The following MSRB3 variants were observed in gnomAD, a reference collection of about 807,000 sequenced individuals.
The protein encoded by MSRB3 is methionine-R-sulfoxide reductase B3.
Under a neutral mutation model 21.0 loss-of-function variants are expected in MSRB3, and 13 were observed. The observed-to-expected ratio is 0.62, with a 90% CI of 0.40 to 0.98. The LOEUF (loss-of-function observed/expected upper bound fraction) is 0.98. MSRB3 is among the 50% of genes least tolerant of loss of function. The pLI, the probability that MSRB3 is intolerant of heterozygous loss-of-function variation, is 0.00. For synonymous variants in MSRB3, 87 were observed against 88.6 expected (o/e 0.98, Z 0.10); for missense variants, 199 against 230.3 (o/e 0.86, Z 0.88).
At chr12:65,364,713 G>A (rs776713588) in intron 4 of MSRB3, among the ~76,000 whole-genome samples, 11 of 152,000 alleles carry the variant, frequency 7.2e-5, no homozygotes, top group Non-Finnish European at 1.3e-4. Context: ...TTTAAGAGTC[G>A]AGGTGATCAT....
chr12:65,420,326 T>G (rs1367813322), intron 5 of MSRB3, among the ~76,000 whole-genome samples: 2 of 144,310 alleles, frequency 1.4e-5, no homozygotes, highest in Non-Finnish European at 3.1e-5. Context: ...GGTAATGTGA[T>G]GCCTTCAGCT....
rs768179073 is a variant in MSRB3 at position 65,453,840 on chromosome 12, T to C, written c.390+15T>C. 6.2e-6 allele frequency: 10 copies of C among 1,602,936 alleles called. No homozygotes were observed. The South Asian group carries it at 1.1e-4, about 18-fold the overall frequency. On this transcript the variant is annotated intron_variant, in intron 6 of 6. Transcript: ENST00000308259. ...GCTGCTCTCAGGTGAGTTCATCCTT[T>C]CTGAAAACCCAATACATTGCTTTCA...
At chr12:65,440,512 T>C (rs1882324394) in intron 5 of MSRB3, among the ~76,000 whole-genome samples, 1 of 151,830 alleles carries the variant, frequency 6.6e-6, no homozygotes, top group Non-Finnish European at 1.5e-5. Context: ...TAACAATGCA[T>C]AAGAATTTAA....
chr12:65,341,246 T>C (rs1388799824), intron 4 of MSRB3, among the ~76,000 whole-genome samples: 1 of 152,092 alleles, frequency 6.6e-6, no homozygotes, highest in Non-Finnish European at 1.5e-5. Flanking sequence ...GATTCAGTTA[T>C]TTGCAACAAC....
At chr12:65,332,302 T>C (rs1016939867) in intron 4 of MSRB3, among the ~76,000 whole-genome samples, 1 of 152,046 alleles carries the variant, frequency 6.6e-6, no homozygotes. Context: ...GGTGTGTGTG[T>C]GTGTGTGTGT....
At chr12:65,459,471 C>T (rs1016691503) in intron 6 of MSRB3, among the ~76,000 whole-genome samples, 2 of 152,126 alleles carry the variant, frequency 1.3e-5, no homozygotes, top group Non-Finnish European at 2.9e-5. Context: ...CTGGTGACTT[C>T]ACAGTCATTT....
At chr12:65,418,672 A>G in intron 5 of MSRB3, 1 of 666,494 alleles carries the variant, frequency 1.5e-6, no homozygotes, top group Non-Finnish European at 2.6e-6. Context: ...TTAACCTCTG[A>G]ACTTTTTATT....
intron 5 of MSRB3, among the ~76,000 whole-genome samples, chr12:65,412,759 G>T (rs536863281): frequency 6.6e-6 from 1 of 152,198 alleles, no homozygotes; most frequent in South Asian, 2.1e-4. Context: ...TCCAAAACTG[G>T]GTAATTTATA....
intron 4 of MSRB3, among the ~76,000 whole-genome samples, chr12:65,358,239 C>A (rs1877502013): frequency 6.6e-6 from 1 of 151,744 alleles, no homozygotes; most frequent in African/African-American, 2.4e-5. Context: ...CACCTCAACC[C>A]CCCGAGTACC....
intron 5 of MSRB3, among the ~76,000 whole-genome samples, chr12:65,375,739 A>G (rs1878574445): frequency 6.6e-6 from 1 of 152,120 alleles, no homozygotes; most frequent in African/African-American, 2.4e-5. Context: ...GCCCAGCCCA[A>G]TATTGTATTT....
chr12:65,409,598 C>T (rs1880611215), intron 5 of MSRB3, among the ~76,000 whole-genome samples: 1 of 152,056 alleles, frequency 6.6e-6, no homozygotes, highest in South Asian at 2.1e-4. Flanking sequence ...TTACCTTTTC[C>T]TCTCTTTTGC....
chr12:65,305,170 C>T (rs184661503), intron 1 of MSRB3: 192 of 151,692 alleles, frequency 1.3e-3, no homozygotes, highest in Non-Finnish European at 2.4e-3. Flanking sequence ...CAGGTTCAAG[C>T]GATTCTCCTG....
At chr12:65,328,729 C>A in intron 4 of MSRB3, 126 bp downstream of exon 4, 1 of 729,416 alleles carries the variant, frequency 1.4e-6, no homozygotes, top group Non-Finnish European at 2.4e-6. Context: ...TTTCCATTTA[C>A]CCCCAACAAA....
intron 5 of MSRB3, chr12:65,419,297 A>AT: frequency 2.7e-6 from 2 of 750,714 alleles, no homozygotes; most frequent in Non-Finnish European, 2.4e-6. Flanking sequence ...AGGTCCTGAG[A>AT]TTTGGGGGCA....
chr12:65,401,311 A>G (rs1565874528), intron 5 of MSRB3, among the ~76,000 whole-genome samples: 1 of 152,164 alleles, frequency 6.6e-6, no homozygotes, highest in Non-Finnish European at 1.5e-5. Context: ...GGGTGCATAT[A>G]TGTTTAGGAT....
chr12:65,325,744 G>C (rs2136449120), intron 2 of MSRB3, among the ~76,000 whole-genome samples: 1 of 152,236 alleles, frequency 6.6e-6, no homozygotes, highest in Non-Finnish European at 1.5e-5. Flanking sequence ...TTCAAAACAT[G>C]GCAAGAACTC....
intron 4 of MSRB3, among the ~76,000 whole-genome samples, chr12:65,342,653 C>G (rs2136476106): frequency 1.3e-5 from 2 of 152,030 alleles, no homozygotes; most frequent in South Asian, 4.1e-4. Flanking sequence ...CATTTTTATG[C>G]ATAAAGATAT....
intron 4 of MSRB3, among the ~76,000 whole-genome samples, chr12:65,350,709 CAAAG>C (rs1193776024): frequency 7.4e-6 from 1 of 135,622 alleles, no homozygotes; most frequent in Non-Finnish European, 1.6e-5. Flanking sequence ...TCAAAAGAGA[CAAAG>C]AAGGCCATTA....
intron 5 of MSRB3, among the ~76,000 whole-genome samples, chr12:65,395,697 AC>A (rs1277521979): frequency 2.0e-5 from 3 of 152,058 alleles, no homozygotes; most frequent in African/African-American, 7.2e-5. Context: ...ATAGATATAA[AC>A]CTGTTCTGAT....
Sources: allele counts gnomAD v4.1 joint callset (sites outside exome capture counted in the v4.1 genomes callset), GRCh38; gene constraint gnomAD v4.1.1; transcripts MANE v1.5; gene names NCBI Gene and HGNC (gene_info 2026-07-23, HGNC 2026-07-21).